Variants in TKT observed in about 807,000 individuals in gnomAD.
TKT encodes epididymis luminal protein 107.
In TKT, 47 loss-of-function variants were observed where a neutral mutation model predicts 63.9. That is an observed-to-expected ratio of 0.74 (90% CI 0.58 to 0.94). The LOEUF (loss-of-function observed/expected upper bound fraction) is 0.94, where lower values mean the gene tolerates loss of function less well. TKT is among the 40% of genes least tolerant of loss of function. The pLI, the probability that TKT is intolerant of heterozygous loss-of-function variation, is 0.00. For missense variants in TKT, 721 were observed against 846.2 expected, an observed-to-expected ratio of 0.85 and a Z score of 1.84; for synonymous variants, 338 against 334.1, an observed-to-expected ratio of 1.01 and a Z score of -0.13.
At chr3:53,244,305 T>C (rs570713465) in intron 1 of TKT, among the ~76,000 whole-genome samples, 1 of 152,208 alleles carries the variant, frequency 6.6e-6, no homozygotes, top group East Asian at 1.9e-4. Flanking sequence ...CGGCAGAGCA[T>C]CCTGGGTTGG....
At position 53,226,751 on chromosome 3, in the gene TKT, C is replaced by T. The variant is rs782324451; in HGVS notation, c.1696+5G>A. The T allele has an allele frequency of 6.2e-7, 1 of 1,614,066 alleles. No homozygotes were observed. The highest frequency in any genetic ancestry group is 2.2e-5 in the East Asian group (1 of 44,900). ...GCCCAGCCTGCCTGCCCCAGGCCTC[C>T]TTACCTTCATAATAATGGTCCTCCA... On this transcript the variant is annotated splice_donor_5th_base_variant and intron_variant, in intron 13 of 13. Coordinates refer to ENST00000462138, the MANE Select transcript of TKT (RefSeq NM_001064.4).
rs1553675957 is a variant in TKT at position 53,228,056 on chromosome 3, C to T, written c.1573G>A (p.Glu525Lys). 1 of 1,612,314 alleles carries T rather than the reference C, an allele frequency of 6.2e-7. No individual in the cohort carries two copies. The highest frequency in any genetic ancestry group is 8.5e-7 in the Non-Finnish European group (1 of 1,179,924). The stretch of plus-strand genomic sequence containing the variant: ...GACTTTGGAGGCCCCTTCTCCTCAC[C>T]TTTCTTCAGCAGTTCGGCAGCGGCC... ...ALAAAELLKK[E>K]KINIRVLDPF... Residue 525 changes from glutamate (E) to lysine (K), a missense_variant and splice_region_variant, in exon 12 of 14, where the codon GAA becomes AAA. Transcript: ENST00000462138.
rs1336531985 is a variant in TKT at position 53,233,160 on chromosome 3, G to A, written c.744C>T (p.Ile248=). 1 of 1,613,516 alleles carries A rather than the reference G, an allele frequency of 6.2e-7. No homozygotes were observed. Among genetic ancestry groups the A allele is most frequent in the African/African-American group, 1.3e-5 (1 of 75,072 alleles). Residue 248 remains isoleucine, a synonymous_variant, in exon 6 of 14, where the codon ATC becomes ATT. Coordinates refer to ENST00000462138, the MANE Select transcript of TKT (RefSeq NM_001064.4). ...GGGCGGCTTGTGCATACTGACCCGT[G>A]ATCCCTCGGCCCTTGAAGGTCTTGG... ...IIAKTFKGRG[I]TGVEDKESWH...
At chr3:53,239,308 G>T (rs574386790) in intron 4 of TKT, among the ~76,000 whole-genome samples, 1 of 152,162 alleles carries the variant, frequency 6.6e-6, no homozygotes, top group Admixed American at 6.5e-5. Flanking sequence ...TTAAAAAAAA[G>T]AATAATTTTT....
At chr3:53,237,830 G>A (rs907468662) in intron 4 of TKT, 1 of 151,506 alleles carries the variant, frequency 6.6e-6, no homozygotes, top group East Asian at 2.0e-4. Flanking sequence ...GCTGAGGCAG[G>A]AGGAGAATCA....
intron 1 of TKT, among the ~76,000 whole-genome samples, chr3:53,250,313 C>A (rs1196800113): frequency 6.6e-6 from 1 of 152,162 alleles, no homozygotes; most frequent in Non-Finnish European, 1.5e-5. Context: ...AGCCAAAGCA[C>A]CTGGATGTCA....
Position 53,226,739 on chromosome 3 carries a change from G to A in TKT, c.1696+17C>T. 2 of 1,614,068 alleles carry A rather than the reference G, an allele frequency of 1.2e-6. No individual in the cohort carries two copies. Among genetic ancestry groups the A allele is most frequent in the Non-Finnish European group, 1.7e-6 (2 of 1,179,954 alleles). On this transcript the variant is annotated intron_variant, in intron 13 of 13. Coordinates refer to ENST00000462138, the MANE Select transcript of TKT (RefSeq NM_001064.4). ...GCCCTGTCCCTTGCCCAGCCTGCCT[G>A]CCCCAGGCCTCCTTACCTTCATAAT...
Position 53,235,098 on chromosome 3 carries a change from T to C in TKT, c.514A>G (p.Ile172Val). The change falls in exon 5 of 14, where the codon ATC (isoleucine) becomes GTC (valine). Residue 172 changes from isoleucine to valine, a missense_variant. By Grantham distance (29) the Ile-to-Val change is conservative (BLOSUM62 3). Transcript: ENST00000462138. ...GCCACAAGGTTGTCCAGCTTATAGA[T>C]GCTGGCGAAGGCCATGGCCTCCCAT... is the stretch of plus-strand genomic sequence containing the variant. ...SVWEAMAFAS[I>V]YKLDNLVAIL... is the part of the protein sequence containing the mutation. 1 of 1,613,906 alleles carries C rather than the reference T, an allele frequency of 6.2e-7. No homozygotes were observed. Among genetic ancestry groups the C allele is most frequent in the Admixed American group, 1.7e-5 (1 of 60,024 alleles).
At chr3:53,237,293 C>A (rs1705073346) in intron 4 of TKT, among the ~76,000 whole-genome samples, 2 of 151,968 alleles carry the variant, frequency 1.3e-5, no homozygotes, top group Admixed American at 1.3e-4. Flanking sequence ...GAAGCTGAGG[C>A]AGGAGAATTA....
Position 53,230,453 on chromosome 3 carries a change from C to T in TKT, c.1107+4G>A. The T allele has an allele frequency of 6.2e-7, 1 of 1,614,214 alleles. No homozygotes were observed. The highest frequency in any genetic ancestry group is 8.5e-7 in the Non-Finnish European group (1 of 1,180,018). On this transcript the variant is annotated splice_donor_region_variant and intron_variant, in intron 8 of 13. Transcript: ENST00000462138. The stretch of plus-strand genomic sequence containing the variant: ...GACCTGTCCCTGCCGGCCCCAGCAC[C>T]TACCATGTTCTGCTCAGCAATGTAG...
chr3:53,250,607 C>CA (rs1165730781), intron 1 of TKT, among the ~76,000 whole-genome samples: 2 of 152,048 alleles, frequency 1.3e-5, no homozygotes, highest in East Asian at 3.9e-4. Context: ...CTCAACTCTA[C>CA]AAAAAATACA....
In TKT at chr3:53,231,552, T is replaced by G; in HGVS notation, c.749-2A>C. On this transcript the variant is annotated splice_acceptor_variant, in intron 6 of 13. Transcript: ENST00000462138. LOFTEE classifies it high-confidence loss of function. Reference sequence around the variant, plus strand: ...GCCAAGACTCCTTATCTTCTACCCCTGCAGACCCAACACGGGAGGACAGAG... The same window carrying G: ...GCCAAGACTCCTTATCTTCTACCCCGGCAGACCCAACACGGGAGGACAGAG... 6.2e-7 allele frequency: 1 copy of G among 1,613,094 alleles called. No individual in the cohort carries two copies.
At chr3:53,243,803 GC>G (rs1705389591) in intron 1 of TKT, among the ~76,000 whole-genome samples, 1 of 152,194 alleles carries the variant, frequency 6.6e-6, no homozygotes, top group South Asian at 2.1e-4. Flanking sequence ...TCCAAGGGCA[GC>G]CCCGGCCCTG....
At chr3:53,231,291 T>C (rs1704743458) in intron 7 of TKT, 66 bp downstream of exon 7, 4 of 1,564,864 alleles carry the variant, frequency 2.6e-6, no homozygotes, top group Admixed American at 1.7e-5. Context: ...CCAGAGGGTG[T>C]ATCTGGGCCA....
chr3:53,231,272 C>T, intron 7 of TKT, 85 bp downstream of exon 7: 1 of 1,489,668 alleles, frequency 6.7e-7, no homozygotes, highest in Non-Finnish European at 9.1e-7. Flanking sequence ...TCCTCCCTTT[C>T]CCAGCCCTCC....
chr3:53,255,561 C>A (rs1281148116), intron 1 of TKT, among the ~76,000 whole-genome samples: 2 of 152,184 alleles, frequency 1.3e-5, no homozygotes, highest in Non-Finnish European at 2.9e-5. Context: ...AGCTGCGCGG[C>A]CGGCGATCCG....
intron 1 of TKT, among the ~76,000 whole-genome samples, chr3:53,245,955 T>C (rs1348996559): frequency 6.6e-6 from 1 of 152,156 alleles, no homozygotes; most frequent in Non-Finnish European, 1.5e-5. Context: ...TGTACTCACA[T>C]GTTCCACACA....
chr3:53,231,814 C>T (rs1235968413), intron 6 of TKT: 5 of 494,498 alleles, frequency 1.0e-5, no homozygotes, highest in South Asian at 3.0e-5. Flanking sequence ...AGGGGCCAGA[C>T]GTGGGCAGGT....
rs150603999 is a variant in TKT at position 53,229,289 on chromosome 3, C to T, written c.1255G>A (p.Val419Ile). Residue 419 changes from valine (V) to isoleucine (I), a missense_variant, in exon 9 of 14, where the codon GTT becomes ATT. Physicochemically the swap from Val to Ile is conservative, Grantham distance 29. Transcript: ENST00000462138. ...NINLCGSHCG[V>I]SIGEDGPSQM... ...CCCTGGCTAAACTCACCGATGGAAA[C>T]GCCGCAGTGGGAGCCGCAGAGGTTG... 70 of 1,614,008 alleles carry T rather than the reference C, an allele frequency of 4.3e-5. No homozygotes were observed. In the African/African-American group the frequency reaches 6.0e-4, roughly 14 times the overall value.
Sources: allele counts gnomAD v4.1 joint callset (sites outside exome capture counted in the v4.1 genomes callset), GRCh38; gene constraint gnomAD v4.1.1; transcripts MANE v1.5; gene names NCBI Gene and HGNC (gene_info 2026-07-23, HGNC 2026-07-21).